AMMECR1L: variants seen among roughly 807,000 people sequenced by gnomAD.
The protein encoded by AMMECR1L is AMMECR1 like.
Under a neutral mutation model 36.8 loss-of-function variants are expected in AMMECR1L, and 4 were observed. The ratio of observed to expected loss-of-function variants is 0.11; its 90% CI spans 0.05 to 0.25. The LOEUF is 0.25. Among genes scored for constraint, AMMECR1L ranks in the 10% least tolerant of loss-of-function variants. The pLI, the probability that AMMECR1L is intolerant of heterozygous loss-of-function variation, is 1.00. For synonymous variants in AMMECR1L, 147 were observed against 148.0 expected (o/e 0.99, Z 0.05); for missense variants, 232 against 392.1 (o/e 0.59, Z 3.45).
chr2:127,864,897 G>C lies in AMMECR1L; in HGVS notation c.*197C>G. On this transcript the variant is annotated 3_prime_UTR_variant, in exon 8 of 8. Coordinates refer to ENST00000272647, the MANE Select transcript of AMMECR1L (RefSeq NM_001199140.2). Reference sequence around the variant, plus strand: ...TGAGGAAAGGCTGAGATAAGGCTTGGGCCCCTCAAGTTCTGTTTCGTTCAA... The same window carrying C: ...TGAGGAAAGGCTGAGATAAGGCTTGCGCCCCTCAAGTTCTGTTTCGTTCAA... 2.2e-6 allele frequency: 1 copy of C among 454,554 alleles called. No homozygotes were observed. Among genetic ancestry groups the C allele is most frequent in the Non-Finnish European group, 4.0e-6 (1 of 251,756 alleles). 28.2% of individuals were successfully genotyped at this position (454,554 alleles called of 1,614,324 possible).
chr2:127,872,905 C>T (rs1219776675), intron 3 of AMMECR1L: 8 of 844,362 alleles, frequency 9.5e-6, no homozygotes, highest in African/African-American at 1.8e-5. Flanking sequence ...ACCGAGCACA[C>T]TTCCCTCCAG....
chr2:127,867,437 G>A (rs1445714998), intron 6 of AMMECR1L, among the ~76,000 whole-genome samples: 1 of 152,088 alleles, frequency 6.6e-6, no homozygotes, highest in Non-Finnish European at 1.5e-5. Context: ...GTTTTCTATG[G>A]TAAAAAATTG....
intron 2 of AMMECR1L, among the ~76,000 whole-genome samples, chr2:127,882,440 A>C (rs930979478): frequency 1.3e-5 from 2 of 152,298 alleles, no homozygotes; most frequent in African/African-American, 4.8e-5. Flanking sequence ...TGTCCTACTT[A>C]TGGAACTATT....
At chr2:127,882,521 C>G (rs999373110) in intron 2 of AMMECR1L, among the ~76,000 whole-genome samples, 1 of 152,120 alleles carries the variant, frequency 6.6e-6, no homozygotes, top group Non-Finnish European at 1.5e-5. Context: ...TTTTGAAACC[C>G]CCATCATACA....
intron 6 of AMMECR1L, among the ~76,000 whole-genome samples, chr2:127,868,434 G>A (rs1168292852): frequency 6.6e-6 from 1 of 152,136 alleles, no homozygotes; most frequent in Admixed American, 6.5e-5. Context: ...TCTTGAAAAA[G>A]TTTAAGCACA....
rs1690510784 is a variant in AMMECR1L at position 127,862,534 on chromosome 2, C to T, written c.*2560G>A. The T allele has an allele frequency of 3.3e-5, 5 of 153,578 alleles. No individual in the cohort carries two copies. The highest frequency in any genetic ancestry group is 2.6e-4 in the Admixed American group (4 of 15,288). 9.5% of individuals were successfully genotyped at this position (153,578 alleles called of 1,614,324 possible). A position where few individuals can be genotyped will look rare whatever the true frequency, so the allele number is the denominator to read the frequency against. On this transcript the variant is annotated 3_prime_UTR_variant, in exon 8 of 8. Coordinates refer to ENST00000272647, the MANE Select transcript of AMMECR1L (RefSeq NM_001199140.2). The stretch of plus-strand genomic sequence containing the variant: ...CTTTCATGAGGCGACCGTGACCGTA[C>T]ACTTCTAGACCGCTTCCTGACTAGG...
At chr2:127,867,164 C>A in intron 6 of AMMECR1L, 168 bp from the exon 7 acceptor site, 1 of 985,484 alleles carries the variant, frequency 1.0e-6, no homozygotes, top group South Asian at 4.7e-5. Context: ...AGTCTGTCTG[C>A]CAGTCCCGTG....
intron 2 of AMMECR1L, among the ~76,000 whole-genome samples, chr2:127,880,041 G>A (rs1459473244): frequency 1.3e-5 from 2 of 152,172 alleles, no homozygotes; most frequent in East Asian, 3.8e-4. Flanking sequence ...AGGAGCTCAC[G>A]CCTGTAATCC....
chr2:127,871,480 G>T lies in AMMECR1L; in HGVS notation c.408-121C>A. The T allele has an allele frequency of 1.0e-6, 1 of 971,324 alleles. No individual in the cohort carries two copies. Among genetic ancestry groups the T allele is most frequent in the Non-Finnish European group, 1.5e-6 (1 of 650,548 alleles). The allele number at this position is 971,324 out of a possible 1,614,324, so 60.2% of individuals were successfully genotyped here. Reference sequence around the variant, plus strand: ...GCCAAAAATCCCTGTTTTTGGACTTGCCAGCTACCCGAAGGACTCTCTGCC... The same window carrying T: ...GCCAAAAATCCCTGTTTTTGGACTTTCCAGCTACCCGAAGGACTCTCTGCC... On this transcript the variant is annotated intron_variant, in intron 3 of 7. Transcript: ENST00000272647. The surrounding 1 kb of genome is among the most constrained non-coding windows in gnomAD (Gnocchi z 4.3).
chr2:127,875,700 C>T (rs1486096933), intron 2 of AMMECR1L, among the ~76,000 whole-genome samples: 1 of 152,160 alleles, frequency 6.6e-6, no homozygotes, highest in East Asian at 1.9e-4. Flanking sequence ...TCAAAGCTCT[C>T]TGTGGCCGAA....
rs368761995 is a variant in AMMECR1L at position 127,869,708 on chromosome 2, C to T, written c.634-164G>A. On this transcript the variant is annotated intron_variant, in intron 5 of 7. Transcript: ENST00000272647. This position sits in a 1 kb window ranked among gnomAD's most constrained non-coding sequence, Gnocchi z 4.7. ...AATTCTATCTCAGGAGGTATAGAGG[C>T]CAAAGAAAGTTCTGCTTTTAGGGAA... 6.6e-6 allele frequency among the ~76,000 whole-genome samples: 1 copy of T among 152,150 alleles called. No homozygotes were observed. The highest frequency in any genetic ancestry group is 2.4e-5 in the African/African-American group (1 of 41,426).
In AMMECR1L at chr2:127,874,107, C is replaced by G. The variant is rs764889167; in HGVS notation, c.128G>C (p.Gly43Ala). Residue 43 changes from glycine to alanine, a missense_variant, in exon 3 of 8, where the codon GGC becomes GCC. Coordinates refer to ENST00000272647, the MANE Select transcript of AMMECR1L (RefSeq NM_001199140.2). The surrounding 1 kb of genome is among the most constrained non-coding windows in gnomAD (Gnocchi z 5.2). Reference protein sequence around the residue: ...SHGNQSTTVPGSSSGPLQNHQ... With the variant: ...SHGNQSTTVPASSSGPLQNHQ... The stretch of plus-strand genomic sequence containing the variant: ...GTTTTGAAGAGGTCCTGAACTAGAG[C>G]CGGGGACAGTTGTGGACTGATTCCC... 7 of 1,614,076 alleles carry G rather than the reference C, an allele frequency of 4.3e-6. No homozygotes were observed. In the Admixed American group the frequency reaches 8.3e-5, roughly 19 times the overall value.
Position 127,874,362 on chromosome 2 carries a change from G to A in AMMECR1L, c.-38-90C>T. 1 of 1,233,008 alleles carries A rather than the reference G, an allele frequency of 8.1e-7. No homozygotes were observed. The highest frequency in any genetic ancestry group is 2.6e-5 in the East Asian group (1 of 39,122). 76.4% of individuals were successfully genotyped at this position (1,233,008 alleles called of 1,614,324 possible). A position where few individuals can be genotyped will look rare whatever the true frequency, so the allele number is the denominator to read the frequency against. ...AAAGATAGAGAGTCTGCATTGACCA[G>A]CTAAGAGCTGTCAAATTCTTTCTCC... On this transcript the variant is annotated intron_variant, in intron 2 of 7. Transcript: ENST00000272647. This position sits in a 1 kb window ranked among gnomAD's most constrained non-coding sequence, Gnocchi z 5.2.
At chr2:127,877,020 AATATATATATATATACATATATATAT>A (rs1353356322) in intron 2 of AMMECR1L, among the ~76,000 whole-genome samples, 10 of 144,930 alleles carry the variant, frequency 6.9e-5, no homozygotes, top group African/African-American at 2.3e-4. Flanking sequence ...TCTGTCTCCA[AATATATATATATATACATATATATAT>A]ATATATATAT....
At chr2:127,885,788 C>T (rs1409782369) in intron 1 of AMMECR1L, 22 bp downstream of exon 1, 4 of 984,594 alleles carry the variant, frequency 4.1e-6, no homozygotes, top group Non-Finnish European at 4.8e-6. Context: ...GAGAAGGGTG[C>T]GGCGCAGCCC....
At position 127,866,968 on chromosome 2, in the gene AMMECR1L, G is replaced by A. The variant is rs757104267; in HGVS notation, c.753C>T (p.Ser251=). 37 of 1,614,104 alleles carry A rather than the reference G, an allele frequency of 2.3e-5. No homozygotes were observed. Among genetic ancestry groups the A allele is most frequent in the Non-Finnish European group, 3.0e-5 (35 of 1,180,040 alleles). Residue 251 remains serine, a synonymous_variant, in exon 7 of 8, where the codon TCC becomes TCT. Transcript: ENST00000272647. ...QDWDQIQTID[S]LLRKGGFKAP... ...CTTTAAAGCCACCTTTCCTGAGCAAGGAGTCTATTGTCTGGATCTGATCCC... is the reference window on the plus strand; with the variant it reads ...CTTTAAAGCCACCTTTCCTGAGCAAAGAGTCTATTGTCTGGATCTGATCCC...
intron 6 of AMMECR1L, chr2:127,867,350 G>C: frequency 1.0e-6 from 1 of 966,164 alleles, no homozygotes; most frequent in Non-Finnish European, 1.2e-6. Context: ...CTGCTCTGTG[G>C]GAAGAGAGGA....
At chr2:127,884,122 A>G (rs1212661035) in intron 2 of AMMECR1L, 81 bp downstream of exon 2, 2 of 152,254 alleles carry the variant, frequency 1.3e-5, no homozygotes, top group Non-Finnish European at 2.9e-5. Flanking sequence ...AAACACACCT[A>G]CATCCCAAAA....
intron 2 of AMMECR1L, among the ~76,000 whole-genome samples, chr2:127,881,816 G>A (rs1426188812): frequency 6.6e-6 from 1 of 152,176 alleles, no homozygotes; most frequent in African/African-American, 2.4e-5. Context: ...TAATCTAAAA[G>A]ATCATATTAT....
Sources: gnomAD v4.1 joint callset for allele counts (sites outside exome capture counted in the v4.1 genomes callset) on GRCh38, gnomAD v4.1.1 for gene constraint, Gnocchi (gnomAD v3.1) non-coding constraint, MANE v1.5 for transcripts, NCBI Gene and HGNC (gene_info 2026-07-23, HGNC 2026-07-21) for gene names.